The following CNTN4 variants were observed in gnomAD, a reference collection of about 807,000 sequenced individuals.
CNTN4 encodes contactin 4.
Under a neutral mutation model 122.5 loss-of-function variants are expected in CNTN4, and 77 were observed. That is an observed-to-expected ratio of 0.63 (90% CI 0.52 to 0.76). The LOEUF is 0.76. Ranked by LOEUF, CNTN4 falls within the 30% of genes least tolerant of loss-of-function variation. CNTN4 has a pLI of 0.00. For missense variants in CNTN4, 1,256 were observed against 1,259.1 expected, an observed-to-expected ratio of 1.00 and a Z score of 0.04; for synonymous variants, 512 against 447.0, an observed-to-expected ratio of 1.15 and a Z score of -1.83.
At position 2,903,765 on chromosome 3, in the gene CNTN4, A is replaced by C. The variant is rs540743228; in HGVS notation, c.1207+760A>C. Among the ~76,000 whole-genome samples, 3 of 152,190 alleles carry C rather than the reference A, an allele frequency of 2.0e-5. No homozygotes were observed. The South Asian group carries it at 6.2e-4, about 32-fold the overall frequency. ...TTACACTTTTTTTTGTGATCTTTCTATCTTTTTCTTCCACTGCATTTTAAC... is the reference window on the plus strand; with the variant it reads ...TTACACTTTTTTTTGTGATCTTTCTCTCTTTTTCTTCCACTGCATTTTAAC... On this transcript the variant is annotated intron_variant, in intron 12 of 24. Coordinates refer to ENST00000418658, the MANE Select transcript of CNTN4 (RefSeq NM_175607.3).
rs150327744 is a variant in CNTN4 at position 2,686,718 on chromosome 3, G to C, written c.56-49497G>C. Among the ~76,000 whole-genome samples, 36 of 152,230 alleles carry C rather than the reference G, an allele frequency of 2.4e-4. No homozygotes were observed. In the South Asian group the frequency reaches 7.5e-3, roughly 32 times the overall value. ...GTCTCTGCTTTCACATTTCACTAAA[G>C]CTGTAGTACCCCAACTTCTAAGTCC... is the stretch of plus-strand genomic sequence containing the variant. On this transcript the variant is annotated intron_variant, in intron 4 of 24. Transcript: ENST00000418658.
chr3:2,943,571 A>C (rs979550203), intron 13 of CNTN4, among the ~76,000 whole-genome samples: 6 of 148,316 alleles, frequency 4.0e-5, no homozygotes, highest in Non-Finnish European at 7.4e-5. Flanking sequence ...TTGTTTGTTT[A>C]TTTTTAGACT....
chr3:3,036,190 G>T (rs6769543), intron 17 of CNTN4, among the ~76,000 whole-genome samples: 21,397 of 152,156 alleles, frequency 0.14, 1,870 homozygotes, highest in African/African-American at 0.25. Context: ...AGGCTATATG[G>T]CCTTGATGTT....
intron 4 of CNTN4, among the ~76,000 whole-genome samples, chr3:2,653,744 T>C (rs1455736539): frequency 6.6e-6 from 1 of 152,208 alleles, no homozygotes; most frequent in African/African-American, 2.4e-5. Flanking sequence ...TTATATTTCC[T>C]TTATTTTTCT....
Position 2,180,649 on chromosome 3 carries a change from C to T in CNTN4, c.-145+80010C>T, listed in dbSNP as rs570879329. 4.3e-4 allele frequency among the ~76,000 whole-genome samples: 65 copies of T among 152,140 alleles called. 1 individual carries two copies. Among genetic ancestry groups the T allele is most frequent in the Non-Finnish European group, 7.7e-4 (52 of 67,936 alleles). ...TTCTTGAATTAGTCTCTCCTGAAAG[C>T]TTGTTCTTTCCAGCAAACTTATCTC... On this transcript the variant is annotated intron_variant, in intron 2 of 24. Transcript: ENST00000418658.
At chr3:2,673,406 T>C (rs1055976504) in intron 4 of CNTN4, among the ~76,000 whole-genome samples, 3 of 152,158 alleles carry the variant, frequency 2.0e-5, no homozygotes, top group Non-Finnish European at 2.9e-5. Context: ...GCACACTCCT[T>C]TGCAATGTGG....
At chr3:3,034,135 AC>A (rs1699402366) in intron 16 of CNTN4, among the ~76,000 whole-genome samples, 1 of 151,980 alleles carries the variant, frequency 6.6e-6, no homozygotes, top group Non-Finnish European at 1.5e-5. Context: ...CAACACTGTA[AC>A]CTTCAAAGTT....
Position 2,988,022 on chromosome 3 carries a change from G to A in CNTN4, c.1359-323G>A, listed in dbSNP as rs578121967. Among the ~76,000 whole-genome samples, 14 of 152,194 alleles carry A rather than the reference G, an allele frequency of 9.2e-5. No homozygotes were observed. The South Asian group carries it at 1.0e-3, about 11-fold the overall frequency. On this transcript the variant is annotated intron_variant, in intron 13 of 24. Coordinates refer to ENST00000418658, the MANE Select transcript of CNTN4 (RefSeq NM_175607.3). Reference sequence around the variant, plus strand: ...GTTATAAGACTAATGGTGATCTACCGTAAGCCTTCCCTTTGCCTAATGTGG... The same window carrying A: ...GTTATAAGACTAATGGTGATCTACCATAAGCCTTCCCTTTGCCTAATGTGG...
intron 4 of CNTN4, among the ~76,000 whole-genome samples, chr3:2,575,324 C>A (rs1288155016): frequency 6.6e-6 from 1 of 151,996 alleles, no homozygotes; most frequent in Non-Finnish European, 1.5e-5. Flanking sequence ...GCAGTGTGGC[C>A]AACATGGCGA....
At position 2,612,517 on chromosome 3, in the gene CNTN4, C is replaced by T. The variant is rs568101450; in HGVS notation, c.55+40959C>T. ...GGAACACACACAGTTGCTTTTGCAGCAGTTTTGAAGTCAAGATACAACATA... is the reference window on the plus strand; with the variant it reads ...GGAACACACACAGTTGCTTTTGCAGTAGTTTTGAAGTCAAGATACAACATA... On this transcript the variant is annotated intron_variant, in intron 4 of 24. Transcript: ENST00000418658. 2.6e-5 allele frequency among the ~76,000 whole-genome samples: 4 copies of T among 152,144 alleles called. No individual in the cohort carries two copies. The East Asian group carries it at 5.8e-4, about 22-fold the overall frequency.
At chr3:2,529,630 G>A (rs2077524328) in intron 3 of CNTN4, among the ~76,000 whole-genome samples, 1 of 152,138 alleles carries the variant, frequency 6.6e-6, no homozygotes, top group South Asian at 2.1e-4. Context: ...CAACATGAGA[G>A]GAGACATTGT....
intron 3 of CNTN4, among the ~76,000 whole-genome samples, chr3:2,512,551 A>G (rs974711070): frequency 2.0e-5 from 3 of 152,212 alleles, no homozygotes; most frequent in African/African-American, 4.8e-5. Context: ...AAAGATTGTT[A>G]TCACTGTGGA....
chr3:2,583,364 C>T (rs2149584663), intron 4 of CNTN4, among the ~76,000 whole-genome samples: 1 of 152,324 alleles, frequency 6.6e-6, no homozygotes, highest in East Asian at 1.9e-4. Context: ...AAGATTAATT[C>T]ATTTGCCCAA....
intron 2 of CNTN4, among the ~76,000 whole-genome samples, chr3:2,265,696 G>A (rs1238747694): frequency 6.6e-6 from 1 of 151,818 alleles, no homozygotes; most frequent in South Asian, 2.1e-4. Flanking sequence ...TCTAATTCAT[G>A]AACATGGGAT....
chr3:2,363,311 C>T (rs763730177), intron 3 of CNTN4, among the ~76,000 whole-genome samples: 4 of 152,158 alleles, frequency 2.6e-5, no homozygotes, highest in Non-Finnish European at 5.9e-5. Flanking sequence ...AAGCCTGTCA[C>T]CTCTCTTCTT....
At chr3:2,532,944 G>A (rs1358786298) in intron 3 of CNTN4, among the ~76,000 whole-genome samples, 1 of 151,974 alleles carries the variant, frequency 6.6e-6, no homozygotes, top group East Asian at 1.9e-4. Flanking sequence ...GTTTACTGGG[G>A]CTGCTAACAG....
At chr3:2,988,713 T>C (rs1225837238) in intron 14 of CNTN4, 4 of 521,668 alleles carry the variant, frequency 7.7e-6, no homozygotes, top group Non-Finnish European at 1.4e-5. Context: ...ATAGCCATTG[T>C]ATCTCTTATA....
chr3:2,634,553 G>A (rs1466798508), intron 4 of CNTN4, among the ~76,000 whole-genome samples: 1 of 151,902 alleles, frequency 6.6e-6, no homozygotes, highest in African/African-American at 2.4e-5. Context: ...TTCTAGGGCC[G>A]GGCACAGTGG....
At chr3:2,917,311 G>A (rs1482819713) in intron 12 of CNTN4, among the ~76,000 whole-genome samples, 6 of 145,882 alleles carry the variant, frequency 4.1e-5, no homozygotes, top group Non-Finnish European at 8.9e-5. Context: ...AGACGAGGCA[G>A]AGGGGGAGAT....
Sources: allele counts gnomAD v4.1 joint callset (sites outside exome capture counted in the v4.1 genomes callset), GRCh38; gene constraint gnomAD v4.1.1; transcripts MANE v1.5; gene names NCBI Gene and HGNC (gene_info 2026-07-23, HGNC 2026-07-21).